The following DOCK10 variants were observed in gnomAD, a reference collection of about 807,000 sequenced individuals.
DOCK10 encodes dedicator of cytokinesis 10.
Under a neutral mutation model 280.1 loss-of-function variants are expected in DOCK10, and 145 were observed. The observed-to-expected ratio is 0.52, with a 90% CI of 0.45 to 0.59. The LOEUF (loss-of-function observed/expected upper bound fraction) is 0.59. DOCK10 is among the 20% of genes least tolerant of loss of function. The probability of loss-of-function intolerance (pLI) is 0.00; values close to 1 mark genes in which losing one functional copy is unlikely to be tolerated. For synonymous variants in DOCK10, 915 were observed against 942.2 expected (o/e 0.97, Z 0.53); for missense variants, 2,368 against 2,651.7 (o/e 0.89, Z 2.35).
chr2:224,819,503 C>A lies in DOCK10; in HGVS notation c.3210G>T (p.Gly1070=). The A allele has an allele frequency of 1.4e-5, 22 of 1,609,078 alleles. No individual in the cohort carries two copies. Among genetic ancestry groups the A allele is most frequent in the Non-Finnish European group, 1.7e-5 (20 of 1,177,776 alleles). Residue 1070 remains glycine, a synonymous_variant, in exon 29 of 56, where the codon GGG becomes GGT. Transcript: ENST00000258390. ...AATTGTTGACCATCTTAAACACATA[C>A]CCTCGGTCCATAAATGTAAAGCAGC... ...LKRCFTFMDR[G]YVFKMVNNYI...
chr2:224,796,297 C>G lies in DOCK10; in HGVS notation c.4938+19G>C, dbSNP rs1367024986. ...ATTTAAAAAAATTCTGCAGTAAAAG[C>G]CCACAAAGCATTTCTTACTTTCATT... On this transcript the variant is annotated intron_variant, in intron 44 of 55. Transcript: ENST00000258390. The G allele has an allele frequency of 6.9e-7, 1 of 1,450,420 alleles. No homozygotes were observed. Among genetic ancestry groups the G allele is most frequent in the East Asian group, 2.5e-5 (1 of 40,614 alleles). The allele number at this position is 1,450,420 out of a possible 1,614,324, so 89.8% of individuals were successfully genotyped here. A position where few individuals can be genotyped will look rare whatever the true frequency, so the allele number is the denominator to read the frequency against.
rs1009163070 is a variant in DOCK10 at position 224,804,149 on chromosome 2, T to C, written c.4231A>G (p.Asn1411Asp). The C allele has an allele frequency of 4.3e-6, 7 of 1,611,934 alleles. No individual in the cohort carries two copies. Among genetic ancestry groups the C allele is most frequent in the East Asian group, 2.2e-5 (1 of 44,836 alleles). ...AGACCTGATGTCTGGCAGGAAGGAT[T>C]GGATCCTTTGAGAGTTCCATTGTTC... ...TQNNGTLKGS[N>D]PSCQTSGLLS... The change falls in exon 39 of 56, where the codon AAT (asparagine) becomes GAT (aspartate). Residue 1411 changes from asparagine to aspartate, a missense_variant. Coordinates refer to ENST00000258390, the MANE Select transcript of DOCK10 (RefSeq NM_014689.3).
At chr2:224,957,491 G>A (rs1045175684) in intron 1 of DOCK10, among the ~76,000 whole-genome samples, 1 of 151,970 alleles carries the variant, frequency 6.6e-6, no homozygotes, top group Non-Finnish European at 1.5e-5. Flanking sequence ...GTCTTGCTAT[G>A]TTGCCCAATC....
chr2:225,040,513 C>CGTGTGTGTGTGT (rs34574873), intron 1 of DOCK10, among the ~76,000 whole-genome samples: 208 of 147,470 alleles, frequency 1.4e-3, no homozygotes, highest in African/African-American at 4.9e-3. Flanking sequence ...GAAAGCAGTG[C>CGTGTGTGTGTGT]GTGTGTGTGT....
chr2:224,870,403 T>C (rs1446625992), intron 11 of DOCK10, among the ~76,000 whole-genome samples: 1 of 152,230 alleles, frequency 6.6e-6, no homozygotes, highest in Non-Finnish European at 1.5e-5. Flanking sequence ...TTCTAGATTT[T>C]TGTTTTGTTT....
chr2:224,936,850 T>C (rs1702721947), intron 1 of DOCK10, among the ~76,000 whole-genome samples: 1 of 152,184 alleles, frequency 6.6e-6, no homozygotes, highest in Non-Finnish European at 1.5e-5. Flanking sequence ...AACTATCATA[T>C]GTTCATGGAA....
Position 224,902,000 on chromosome 2 carries a change from T to C in DOCK10, c.334-5623A>G, listed in dbSNP as rs1009182688. 2.0e-5 allele frequency among the ~76,000 whole-genome samples: 3 copies of C among 152,370 alleles called. No individual in the cohort carries two copies. In the East Asian group the frequency reaches 5.8e-4, roughly 29 times the overall value. On this transcript the variant is annotated intron_variant, in intron 3 of 55. Coordinates refer to ENST00000258390, the MANE Select transcript of DOCK10 (RefSeq NM_014689.3). The stretch of plus-strand genomic sequence containing the variant: ...TCAATGATCATCTGTATCATTTTCT[T>C]CTGGAAATGACAACAAATGATACTT...
At chr2:224,844,943 A>G (rs1696230589) in intron 21 of DOCK10, 104 bp from the exon 22 acceptor site, 3 of 903,166 alleles carry the variant, frequency 3.3e-6, no homozygotes, top group Non-Finnish European at 3.5e-6. Context: ...CATTAATCTT[A>G]TATCAGCTAC....
chr2:224,821,605 T>C (rs1427248673), intron 28 of DOCK10, among the ~76,000 whole-genome samples: 2 of 152,240 alleles, frequency 1.3e-5, no homozygotes, highest in Non-Finnish European at 2.9e-5. Flanking sequence ...ATAAATGCCA[T>C]TAAAACTTCA....
intron 1 of DOCK10, among the ~76,000 whole-genome samples, chr2:225,017,201 TGAA>T (rs72063482): frequency 0.039 from 5,938 of 151,316 alleles, 323 homozygotes; most frequent in African/African-American, 0.12. Flanking sequence ...ATAGCAAGAG[TGAA>T]GAAGGTCATC....
At chr2:224,870,072 G>C (rs1431099253) in intron 11 of DOCK10, among the ~76,000 whole-genome samples, 1 of 152,226 alleles carries the variant, frequency 6.6e-6, no homozygotes, top group Non-Finnish European at 1.5e-5. Flanking sequence ...GAGGGACCCA[G>C]TGGGAAGTAA....
rs543148340 is a variant in DOCK10 at position 224,933,833 on chromosome 2, G to A, written c.124-2165C>T. Among the ~76,000 whole-genome samples the A allele has an allele frequency of 9.2e-5, 14 of 152,298 alleles. No homozygotes were observed. The South Asian group carries it at 2.9e-3, about 32-fold the overall frequency. On this transcript the variant is annotated intron_variant, in intron 1 of 55. Coordinates refer to ENST00000258390, the MANE Select transcript of DOCK10 (RefSeq NM_014689.3). ...GTTTAAAGGCAAATGACATATGGAT[G>A]TTTTGAGAGGACTTCTATAATCGGG...
At chr2:225,039,641 G>A (rs145114415) in intron 1 of DOCK10, among the ~76,000 whole-genome samples, 1 of 152,000 alleles carries the variant, frequency 6.6e-6, no homozygotes, top group South Asian at 2.1e-4. Flanking sequence ...GCATCTCCTT[G>A]ATCTCTCCTC....
chr2:225,011,990 C>G (rs1689452919), intron 1 of DOCK10, among the ~76,000 whole-genome samples: 2 of 152,282 alleles, frequency 1.3e-5, no homozygotes, highest in South Asian at 4.2e-4. Context: ...CTTCTAAATT[C>G]ATTCAGCAGA....
intron 1 of DOCK10, among the ~76,000 whole-genome samples, chr2:224,968,703 T>G (rs1704911554): frequency 6.6e-6 from 1 of 152,236 alleles, no homozygotes; most frequent in Non-Finnish European, 1.5e-5. Context: ...TATTTTTCCA[T>G]ACATACAAGG....
At chr2:224,961,470 T>TTTCTTTC (rs1559874209) in intron 1 of DOCK10, among the ~76,000 whole-genome samples, 3 of 120,260 alleles carry the variant, frequency 2.5e-5, no homozygotes, top group South Asian at 2.7e-4. Context: ...TTCTTTCTTT[T>TTTCTTTC]TCTTTCTTTC....
chr2:224,993,369 T>C (rs1248322282), intron 1 of DOCK10, among the ~76,000 whole-genome samples: 1 of 152,100 alleles, frequency 6.6e-6, no homozygotes, highest in Non-Finnish European at 1.5e-5. Flanking sequence ...AATGAGATAA[T>C]CCAAATGGAG....
At chr2:224,971,156 A>C (rs949484140) in intron 1 of DOCK10, among the ~76,000 whole-genome samples, 1 of 152,184 alleles carries the variant, frequency 6.6e-6, no homozygotes, top group African/African-American at 2.4e-5. Context: ...CTATATTAAA[A>C]ACCCTGACTT....
At chr2:225,017,005 G>A (rs962087955) in intron 1 of DOCK10, among the ~76,000 whole-genome samples, 3 of 151,766 alleles carry the variant, frequency 2.0e-5, no homozygotes, top group Non-Finnish European at 4.4e-5. Context: ...TTACAGGCAT[G>A]AGCCACTGCG....
Sources: allele counts gnomAD v4.1 joint callset (sites outside exome capture counted in the v4.1 genomes callset), GRCh38; gene constraint gnomAD v4.1.1; transcripts MANE v1.5; gene names NCBI Gene and HGNC (gene_info 2026-07-23, HGNC 2026-07-21).